NVL: variants seen among roughly 807,000 people sequenced by gnomAD.
The protein encoded by NVL is nuclear valosin-containing protein-like.
Under a neutral mutation model 110.2 loss-of-function variants are expected in NVL, and 84 were observed. The ratio of observed to expected loss-of-function variants is 0.76; its 90% CI spans 0.64 to 0.91. NVL has a LOEUF of 0.91. Among genes scored for constraint, NVL ranks in the 40% least tolerant of loss-of-function variants. The probability of loss-of-function intolerance (pLI) is 0.00; values close to 1 mark genes in which losing one functional copy is unlikely to be tolerated. For synonymous variants in NVL, 354 were observed against 361.1 expected, an observed-to-expected ratio of 0.98 and a Z score of 0.22; for missense variants, 882 against 1,035.9, an observed-to-expected ratio of 0.85 and a Z score of 2.04.
At chr1:224,268,818 C>T (rs945245533) in intron 17 of NVL, among the ~76,000 whole-genome samples, 1 of 151,980 alleles carries the variant, frequency 6.6e-6, no homozygotes, top group Admixed American at 6.6e-5. Flanking sequence ...GCCACGATGC[C>T]TGGCTAATTT....
chr1:224,318,826 A>T (rs1459155042), intron 2 of NVL, among the ~76,000 whole-genome samples: 4 of 141,758 alleles, frequency 2.8e-5, no homozygotes, highest in East Asian at 2.0e-4. Context: ...TTCTAAAAAT[A>T]AAAAAAAAAA....
intron 17 of NVL, among the ~76,000 whole-genome samples, chr1:224,274,169 T>C (rs988243740): frequency 6.6e-6 from 1 of 151,966 alleles, no homozygotes; most frequent in Admixed American, 6.6e-5. Flanking sequence ...CGGGCGCCTG[T>C]AATCCCAGCT....
intron 19 of NVL, among the ~76,000 whole-genome samples, chr1:224,238,349 T>G (rs541599505): frequency 6.6e-6 from 1 of 152,230 alleles, no homozygotes; most frequent in East Asian, 1.9e-4. Flanking sequence ...CTTTTCTTAG[T>G]GTAAAACGTC....
In NVL at chr1:224,330,161, C is replaced by A. The variant is rs774958777; in HGVS notation, c.-34G>T. 22 of 1,612,126 alleles carry A rather than the reference C, an allele frequency of 1.4e-5. No individual in the cohort carries two copies. The South Asian group carries it at 2.3e-4, about 17-fold the overall frequency. ...TCTTCCAAGCCACAGCTCGGACCGC[C>A]AGCTCCTAGTCAACCGGGGGCCTCG... On this transcript the variant is annotated 5_prime_UTR_variant, in exon 1 of 23. Coordinates refer to ENST00000281701, the MANE Select transcript of NVL (RefSeq NM_002533.4).
At chr1:224,266,084 C>T (rs1664474038) in intron 18 of NVL, among the ~76,000 whole-genome samples, 1 of 152,152 alleles carries the variant, frequency 6.6e-6, no homozygotes, top group Admixed American at 6.5e-5. Flanking sequence ...TTCTGTCTCA[C>T]CACTAACAGA....
intron 17 of NVL, among the ~76,000 whole-genome samples, chr1:224,270,660 TAAAA>T (rs1664996281): frequency 1.3e-5 from 2 of 151,986 alleles, no homozygotes; most frequent in African/African-American, 4.8e-5. Context: ...CATAATTAAA[TAAAA>T]GACTACTTTC....
chr1:224,282,471 T>C (rs757654088), intron 15 of NVL, among the ~76,000 whole-genome samples: 9 of 152,254 alleles, frequency 5.9e-5, no homozygotes, highest in Non-Finnish European at 8.8e-5. Flanking sequence ...AAAGCATTCA[T>C]TGATTTACAA....
chr1:224,328,560 T>C (rs1363404553), intron 1 of NVL, among the ~76,000 whole-genome samples: 2 of 151,972 alleles, frequency 1.3e-5, no homozygotes, highest in Non-Finnish European at 2.9e-5. Flanking sequence ...TAGGAGGCTA[T>C]TGTAATAGTA....
At chr1:224,321,235 A>G (rs1670612806) in intron 2 of NVL, among the ~76,000 whole-genome samples, 1 of 152,192 alleles carries the variant, frequency 6.6e-6, no homozygotes, top group Admixed American at 6.5e-5. Context: ...ATAGAGCGAG[A>G]CTGTGTCTCC....
Position 224,326,427 on chromosome 1 carries a change from A to T in NVL, c.95T>A (p.Ile32Asn), listed in dbSNP as rs374237316. ...TSNKCGKYVDIGVLASDLQRV... is the reference protein window; with the variant it reads ...TSNKCGKYVDNGVLASDLQRV... ...TTGTAAATCAGACGCTAAGACTCCA[A>T]TGTCCACATATTTGCCACATTTGTT... Residue 32 changes from isoleucine to asparagine, a missense_variant, in exon 2 of 23, where the codon ATT becomes AAT. Coordinates refer to ENST00000281701, the MANE Select transcript of NVL (RefSeq NM_002533.4). 17 of 1,612,594 alleles carry T rather than the reference A, an allele frequency of 1.1e-5. No homozygotes were observed. In the African/African-American group the frequency reaches 2.3e-4, roughly 22 times the overall value.
intron 22 of NVL, among the ~76,000 whole-genome samples, chr1:224,230,646 G>T (rs1256612644): frequency 1.3e-5 from 2 of 151,980 alleles, no homozygotes; most frequent in Non-Finnish European, 2.9e-5. Context: ...GGCAGAAGAG[G>T]TCATTCTCTT....
At chr1:224,273,813 A>C (rs76565236) in intron 17 of NVL, among the ~76,000 whole-genome samples, 2 of 152,308 alleles carry the variant, frequency 1.3e-5, no homozygotes, top group Non-Finnish European at 2.9e-5. Context: ...CCTGGGAAGG[A>C]TCTCTGCCTC....
intron 6 of NVL, 55 bp from the exon 7 acceptor site, chr1:224,305,221 G>C: frequency 6.5e-7 from 1 of 1,541,210 alleles, no homozygotes; most frequent in Non-Finnish European, 8.7e-7. Context: ...GCCAATAATT[G>C]TTTTACTTTT....
chr1:224,263,966 G>A (rs963803055), intron 18 of NVL, among the ~76,000 whole-genome samples: 3 of 152,194 alleles, frequency 2.0e-5, no homozygotes, highest in Non-Finnish European at 4.4e-5. Flanking sequence ...GGTGAGCCGA[G>A]ATCATGCCAC....
intron 19 of NVL, 54 bp from the exon 20 acceptor site, chr1:224,236,636 T>C (rs1558234685): frequency 1.4e-6 from 2 of 1,426,288 alleles, no homozygotes; most frequent in East Asian, 2.3e-5. Context: ...CCATGCCGGG[T>C]GCGATGGCTC....
At chr1:224,301,634 T>C in intron 9 of NVL, 1 of 324,858 alleles carries the variant, frequency 3.1e-6, no homozygotes, top group Admixed American at 4.3e-5. Flanking sequence ...AGACCCCACC[T>C]CTAAAAAAAT....
At position 224,275,793 on chromosome 1, in the gene NVL, C is replaced by T. The variant is rs187103838; in HGVS notation, c.1963-335G>A. On this transcript the variant is annotated intron_variant, in intron 16 of 22. Transcript: ENST00000281701. ...ACTTTAGAACTAATCTTGTAAGCCT[C>T]GTGCATATAAAATATCCAGCAGTAA... Among the ~76,000 whole-genome samples, 350 of 152,246 alleles carry T rather than the reference C, an allele frequency of 2.3e-3. 1 individual carries two copies. The highest frequency in any genetic ancestry group is 7.7e-3 in the African/African-American group (319 of 41,540).
At chr1:224,298,187 G>T in intron 10 of NVL, 1 of 195,388 alleles carries the variant, frequency 5.1e-6, no homozygotes, top group Non-Finnish European at 1.0e-5. Context: ...CTGGGCAACA[G>T]AACGAGACTC....
At position 224,281,284 on chromosome 1, in the gene NVL, C is replaced by CGTGTGTGT. The variant is rs34156240; in HGVS notation, c.1900-107_1900-100dup. On this transcript the variant is annotated intron_variant, in intron 15 of 22. Coordinates refer to ENST00000281701, the MANE Select transcript of NVL (RefSeq NM_002533.4). ...TGTGACAATGAAAGGACTCTGTGTG[C>CGTGTGTGT]GTGTGTGTGTGTGTGTGTGTGTGTG... 1.1e-3 allele frequency: 588 copies of CGTGTGTGT among 553,186 alleles called. 1 individual carries two copies. Among genetic ancestry groups the CGTGTGTGT allele is most frequent in the Admixed American group, 1.2e-3 (43 of 35,642 alleles). The allele number at this position is 553,186 out of a possible 1,614,324, so 34.3% of individuals were successfully genotyped here. A position where few individuals can be genotyped will look rare whatever the true frequency, so the allele number is the denominator to read the frequency against.
Sources: gnomAD v4.1 joint callset for allele counts (sites outside exome capture counted in the v4.1 genomes callset) on GRCh38, gnomAD v4.1.1 for gene constraint, MANE v1.5 for transcripts, NCBI Gene and HGNC (gene_info 2026-07-23, HGNC 2026-07-21) for gene names.